Variants in RANBP2 observed in about 807,000 individuals in gnomAD.
The protein encoded by RANBP2 is E3 SUMO-protein ligase RanBP2.
Under a neutral mutation model 303.6 loss-of-function variants are expected in RANBP2, and 57 were observed. The ratio of observed to expected loss-of-function variants is 0.19; its 90% CI spans 0.15 to 0.23. RANBP2 has a LOEUF of 0.23. Ranked by LOEUF, RANBP2 falls within the 10% of genes least tolerant of loss-of-function variation. The pLI is 1.00. For synonymous variants in RANBP2, 1,167 were observed against 1,301.5 expected (o/e 0.90, Z 2.23); for missense variants, 3,138 against 3,780.8 (o/e 0.83, Z 4.46).
the RANBP2 span, among the ~76,000 whole-genome samples, chr2:108,798,112 A>G: frequency 6.6e-6 from 1 of 152,132 alleles, no homozygotes; most frequent in Non-Finnish European, 1.5e-5. Context: ...ATAGTGGACT[A>G]TGATGTGGAA....
the RANBP2 span, among the ~76,000 whole-genome samples, chr2:109,084,576 T>C: frequency 5.3e-5 from 8 of 152,224 alleles, no homozygotes; most frequent in African/African-American, 1.9e-4. Flanking sequence ...TGTAGGATAC[T>C]AGAGTGTAGC....
chr2:108,856,829 T>C, the RANBP2 span: 1 of 1,613,424 alleles, frequency 6.2e-7, no homozygotes, highest in Non-Finnish European at 8.5e-7. Flanking sequence ...TTCTCTTTGT[T>C]TGGACTTGAA....
the RANBP2 span, among the ~76,000 whole-genome samples, chr2:108,877,511 G>A: frequency 6.6e-6 from 1 of 151,862 alleles, no homozygotes; most frequent in Non-Finnish European, 1.5e-5. Flanking sequence ...AGAAGCCAAA[G>A]TGCACATTAG....
At chr2:109,044,168 G>A in the RANBP2 span, among the ~76,000 whole-genome samples, 3 of 152,126 alleles carry the variant, frequency 2.0e-5, no homozygotes, top group East Asian at 1.9e-4. Flanking sequence ...AAATAATGAA[G>A]GGGAGAAACC....
the RANBP2 span, chr2:109,501,630 C>T: frequency 5.9e-5 from 46 of 777,314 alleles, no homozygotes; most frequent in Admixed American, 1.2e-4. Flanking sequence ...GCGGAACGGC[C>T]GCACAGGCCT....
At chr2:109,527,493 A>G in the RANBP2 span, among the ~76,000 whole-genome samples, 1 of 152,180 alleles carries the variant, frequency 6.6e-6, no homozygotes, top group African/African-American at 2.4e-5. Flanking sequence ...CATGGACTGG[A>G]AGACCCCCAA....
chr2:109,215,386 C>T, the RANBP2 span, among the ~76,000 whole-genome samples: 2 of 152,092 alleles, frequency 1.3e-5, no homozygotes, highest in South Asian at 2.1e-4. Flanking sequence ...GGAGAAGGTA[C>T]GTTGATAAAG....
the RANBP2 span, among the ~76,000 whole-genome samples, chr2:109,492,462 T>C: frequency 1.3e-5 from 2 of 152,096 alleles, no homozygotes; most frequent in African/African-American, 4.8e-5. Context: ...AGCTGGGTGT[T>C]CTGCACAGGG....
chr2:108,852,255 A>G, the RANBP2 span, among the ~76,000 whole-genome samples: 327 of 152,346 alleles, frequency 2.1e-3, no homozygotes, highest in Admixed American at 4.7e-3. Context: ...TAACTGTAAG[A>G]TACAACTCTT....
the RANBP2 span, among the ~76,000 whole-genome samples, chr2:108,831,420 A>G: frequency 5.8e-3 from 889 of 152,304 alleles, 8 homozygotes; most frequent in African/African-American, 0.014. Context: ...AAGAAAAAGT[A>G]CTTTTTTATT....
At chr2:108,906,245 G>T in the RANBP2 span, 61 of 1,582,888 alleles carry the variant, frequency 3.9e-5, no homozygotes, top group East Asian at 1.4e-3. Flanking sequence ...TCAGGGCTCC[G>T]GGCCCAGCCC....
At chr2:109,092,825 T>A in the RANBP2 span, among the ~76,000 whole-genome samples, 3 of 152,220 alleles carry the variant, frequency 2.0e-5, no homozygotes, top group Admixed American at 6.5e-5. Context: ...CTGTAGCAAA[T>A]CTGCTGTACT....
At chr2:109,116,169 T>C in the RANBP2 span, among the ~76,000 whole-genome samples, 1 of 152,216 alleles carries the variant, frequency 6.6e-6, no homozygotes, top group Non-Finnish European at 1.5e-5. Flanking sequence ...TGAATCTGAA[T>C]GTTGGTCTGC....
intron 6 of RANBP2, among the ~76,000 whole-genome samples, chr2:108,738,415 T>C (rs1695802557): frequency 6.6e-6 from 1 of 152,062 alleles, no homozygotes. Flanking sequence ...TACCTTGGCC[T>C]CCCAAAGTAC....
the RANBP2 span, chr2:109,130,060 A>T: frequency 7.3e-7 from 1 of 1,366,744 alleles, no homozygotes; most frequent in Non-Finnish European, 9.4e-7. Context: ...CGCGGGCAGC[A>T]CCGCCGGCAG....
chr2:109,144,253 G>A, the RANBP2 span, among the ~76,000 whole-genome samples: 1 of 152,172 alleles, frequency 6.6e-6, no homozygotes, highest in Non-Finnish European at 1.5e-5. Context: ...TAACTGGAAT[G>A]TATATGTATA....
the RANBP2 span, among the ~76,000 whole-genome samples, chr2:109,338,653 G>A: frequency 1.3e-4 from 20 of 152,130 alleles, no homozygotes; most frequent in Non-Finnish European, 2.8e-4. Flanking sequence ...TGCCTCCCGA[G>A]TTCAGGCAGT....
At chr2:108,849,286 A>G in the RANBP2 span, among the ~76,000 whole-genome samples, 1 of 152,212 alleles carries the variant, frequency 6.6e-6, no homozygotes, top group Admixed American at 6.5e-5. Context: ...GGAGACAAAA[A>G]CTATTTCAAG....
At chr2:109,170,586 G>A in the RANBP2 span, among the ~76,000 whole-genome samples, 2 of 152,136 alleles carry the variant, frequency 1.3e-5, no homozygotes, top group East Asian at 3.9e-4. Context: ...CCTCAACCTC[G>A]TGATCCACCC....
Sources: allele counts gnomAD v4.1 joint callset (sites outside exome capture counted in the v4.1 genomes callset), GRCh38; gene constraint gnomAD v4.1.1; transcripts MANE v1.5; gene names NCBI Gene and HGNC (gene_info 2026-07-23, HGNC 2026-07-21).